The following ROS1 variants were observed in gnomAD, a reference collection of about 807,000 sequenced individuals.
ROS1 encodes the protein proto-oncogene tyrosine-protein kinase ROS.
In ROS1, 263 loss-of-function variants were observed where a neutral mutation model predicts 273.5. That is an observed-to-expected ratio of 0.96 (90% CI 0.87 to 1.06). ROS1 has a LOEUF of 1.06. ROS1 is among the 50% of genes least tolerant of loss of function. The pLI, the probability that ROS1 is intolerant of heterozygous loss-of-function variation, is 0.00. For missense variants in ROS1, 2,833 were observed against 2,751.1 expected (o/e 1.03, Z -0.67); for synonymous variants, 1,008 against 954.1 (o/e 1.06, Z -1.04).
rs2128581553 is a variant in ROS1, at chr6:117,326,220, A to T, written c.5539+4T>A. On this transcript the variant is annotated splice_donor_region_variant and intron_variant, in intron 34 of 43. Coordinates refer to ENST00000368507, the MANE Select transcript of ROS1 (RefSeq NM_001378902.1). ...CTAGTGTGTAGACAGACATGGTAAC[A>T]TACCTCCAACTAATATAATATTCTC... The T allele has an allele frequency of 1.3e-6, 2 of 1,579,578 alleles. No individual in the cohort carries two copies. Among genetic ancestry groups the T allele is most frequent in the Non-Finnish European group, 1.7e-6 (2 of 1,163,878 alleles).
chr6:117,344,157 G>A lies in ROS1; in HGVS notation c.4409C>T (p.Thr1470Ile). 2.5e-6 allele frequency: 4 copies of A among 1,613,944 alleles called. No individual in the cohort carries two copies. Among genetic ancestry groups the A allele is most frequent in the Non-Finnish European group, 3.4e-6 (4 of 1,179,858 alleles). The change falls in exon 28 of 44, where the codon ACA becomes ATA. Residue 1470 changes from threonine (T) to isoleucine (I), a missense_variant. Transcript: ENST00000368507. Reference sequence around the variant, plus strand: ...AGTAGGGCTGGTGATGCCATACCATGTGAGGTTTGTCTTGGCCAGAGGTAA... The same window carrying A: ...AGTAGGGCTGGTGATGCCATACCATATGAGGTTTGTCTTGGCCAGAGGTAA... ...IRLPLAKTNLTWYGITSPTPT... is the reference protein window; with the variant it reads ...IRLPLAKTNLIWYGITSPTPT...
intron 18 of ROS1, among the ~76,000 whole-genome samples, chr6:117,369,588 C>A (rs1034878957): frequency 6.6e-6 from 1 of 152,010 alleles, no homozygotes; most frequent in African/African-American, 2.4e-5. Context: ...AAAAAGAAAC[C>A]AGCTCTCTGG....
At chr6:117,351,872 T>C (rs1299277500) in intron 27 of ROS1, among the ~76,000 whole-genome samples, 1 of 152,204 alleles carries the variant, frequency 6.6e-6, no homozygotes, top group Non-Finnish European at 1.5e-5. Context: ...GAAAAATAAA[T>C]TATTTTACAA....
intron 42 of ROS1, among the ~76,000 whole-genome samples, chr6:117,307,551 T>C (rs2128544363): frequency 6.6e-6 from 1 of 152,238 alleles, no homozygotes; most frequent in Admixed American, 6.5e-5. Context: ...ATCCTTAATT[T>C]ATATAATTTT....
In ROS1 at chr6:117,317,226, G is replaced by C. The variant is rs2128555681; in HGVS notation, c.6034C>G (p.Leu2012Val). 6.2e-7 allele frequency: 1 copy of C among 1,613,160 alleles called. No homozygotes were observed. ...AGGATAATGTATTGGGGTTCATTCA[G>C]CAGACAAACTCCAAGCTGCTTCAGA... ...NILKQLGVCL[L>V]NEPQYIILEL... Residue 2012 changes from leucine to valine, a missense_variant, in exon 39 of 44, where the codon CTG becomes GTG. By Grantham distance (32) the Leu-to-Val change is conservative. Coordinates refer to ENST00000368507, the MANE Select transcript of ROS1 (RefSeq NM_001378902.1).
intron 27 of ROS1, among the ~76,000 whole-genome samples, chr6:117,347,739 C>G (rs940416242): frequency 1.3e-5 from 2 of 151,970 alleles, no homozygotes; most frequent in African/African-American, 4.8e-5. Context: ...AAGGAAGTTA[C>G]CCCTATTCTT....
chr6:117,300,086 C>CTTTTTTTTTTTT (rs10700318), intron 43 of ROS1, among the ~76,000 whole-genome samples: 17 of 31,834 alleles, frequency 5.3e-4, no homozygotes, highest in South Asian at 2.4e-3. Flanking sequence ...CCAGGACAGG[C>CTTTTTTTTTTTT]TTTTTTTTTT....
chr6:117,346,492 T>C (rs901736111), intron 27 of ROS1, among the ~76,000 whole-genome samples: 5 of 152,072 alleles, frequency 3.3e-5, no homozygotes, highest in African/African-American at 1.2e-4. Context: ...TGGGACTTCA[T>C]TTTGGAGCGT....
chr6:117,355,429 A>C (rs978174418), intron 26 of ROS1, among the ~76,000 whole-genome samples: 1 of 152,088 alleles, frequency 6.6e-6, no homozygotes, highest in Non-Finnish European at 1.5e-5. Context: ...TAACACATAC[A>C]CACATATTTG....
chr6:117,354,176 C>T (rs1051810729), intron 26 of ROS1, among the ~76,000 whole-genome samples: 9 of 151,974 alleles, frequency 5.9e-5, no homozygotes, highest in Non-Finnish European at 1.2e-4. Context: ...CATAGCAATA[C>T]CCTGTCTCTA....
intron 16 of ROS1, 86 bp from the exon 17 acceptor site, chr6:117,383,594 C>T (rs1263684000): frequency 2.0e-6 from 2 of 1,018,786 alleles, no homozygotes; most frequent in South Asian, 1.4e-5. Context: ...TAATAAATTG[C>T]TTGATTAATC....
chr6:117,409,236 AAGAG>A (rs908393245), intron 5 of ROS1, among the ~76,000 whole-genome samples: 3 of 106,322 alleles, frequency 2.8e-5, no homozygotes, highest in Non-Finnish European at 5.7e-5. Context: ...ATAAATAAAA[AAGAG>A]AGAAAAAAAA....
At chr6:117,383,639 T>C (rs1477627689) in intron 16 of ROS1, 131 bp from the exon 17 acceptor site, 2 of 752,018 alleles carry the variant, frequency 2.7e-6, no homozygotes, top group Non-Finnish European at 4.5e-6. Flanking sequence ...TGATTGGCAC[T>C]ATGTGCTGGG....
intron 32 of ROS1, among the ~76,000 whole-genome samples, chr6:117,335,948 AT>A (rs973144516): frequency 2.6e-5 from 4 of 152,064 alleles, no homozygotes; most frequent in African/African-American, 4.8e-5. Flanking sequence ...CATGTATCTT[AT>A]TTTTTAAGAA....
chr6:117,324,543 A>G lies in ROS1; in HGVS notation c.5540-128T>C, dbSNP rs1776503693. ...TGGATTTTTGCAAGCCAGTTGTTAGACCGTTGGTAGCTTGAAAGCATCCAT... is the reference window on the plus strand; with the variant it reads ...TGGATTTTTGCAAGCCAGTTGTTAGGCCGTTGGTAGCTTGAAAGCATCCAT... On this transcript the variant is annotated intron_variant, in intron 34 of 43. Coordinates refer to ENST00000368507, the MANE Select transcript of ROS1 (RefSeq NM_001378902.1). 6 of 565,098 alleles carry G rather than the reference A, an allele frequency of 1.1e-5. No homozygotes were observed. In the South Asian group the frequency reaches 1.5e-4, roughly 14 times the overall value. The allele number at this position is 565,098 out of a possible 1,614,324, so 35.0% of individuals were successfully genotyped here. A position where few individuals can be genotyped will look rare whatever the true frequency, so the allele number is the denominator to read the frequency against.
At chr6:117,369,187 CT>C (rs1780527916) in intron 18 of ROS1, among the ~76,000 whole-genome samples, 1 of 152,112 alleles carries the variant, frequency 6.6e-6, no homozygotes, top group African/African-American at 2.4e-5. Context: ...GCAAGACTTA[CT>C]TGGAAGGCAA....
At chr6:117,295,986 G>A (rs1433614660) in intron 43 of ROS1, among the ~76,000 whole-genome samples, 1 of 152,178 alleles carries the variant, frequency 6.6e-6, no homozygotes, top group Non-Finnish European at 1.5e-5. Context: ...TCCCACTGCT[G>A]TACATATGCC....
Position 117,318,252 on chromosome 6 carries a change from T to C in ROS1, c.5923A>G (p.Thr1975Ala). 1.9e-6 allele frequency: 3 copies of C among 1,611,658 alleles called. No individual in the cohort carries two copies. The highest frequency in any genetic ancestry group is 1.1e-5 in the South Asian group (1 of 91,016). The change falls in exon 38 of 44, where the codon ACT becomes GCT. Residue 1975 changes from threonine to alanine, a missense_variant and splice_region_variant. By Grantham distance (58) the Thr-to-Ala change is moderately conservative. Transcript: ENST00000368507. Reference sequence around the variant, plus strand: ...TGGTCTGTGGAACCCTTCTTCAAAGTCTATACAACATAAAAACAAGTCAGG... The same window carrying C: ...TGGTCTGTGGAACCCTTCTTCAAAGCCTATACAACATAAAAACAAGTCAGG... ...GSGEIKVAVKTLKKGSTDQEK... is the reference protein window; with the variant it reads ...GSGEIKVAVKALKKGSTDQEK...
At chr6:117,393,765 A>G (rs1773266303) in intron 11 of ROS1, among the ~76,000 whole-genome samples, 1 of 152,340 alleles carries the variant, frequency 6.6e-6, no homozygotes, top group Admixed American at 6.5e-5. Context: ...CGAAAAGTAC[A>G]GTACTACTGT....
Sources: allele counts gnomAD v4.1 joint callset (sites outside exome capture counted in the v4.1 genomes callset), GRCh38; gene constraint gnomAD v4.1.1; transcripts MANE v1.5; gene names NCBI Gene and HGNC (gene_info 2026-07-23, HGNC 2026-07-21).